The following AP4S1 variants were observed in gnomAD, a reference collection of about 807,000 sequenced individuals.
AP4S1 encodes the protein adaptor related protein complex 4 subunit sigma 1, also known as AP-4 complex subunit sigma-1.
Under a neutral mutation model 19.8 loss-of-function variants are expected in AP4S1, and 23 were observed. The ratio of observed to expected loss-of-function variants is 1.16; its 90% confidence interval spans 0.84 to 1.65. The LOEUF (loss-of-function observed/expected upper bound fraction) is 1.65, where lower values mean the gene tolerates loss of function less well. Among genes scored for constraint, AP4S1 ranks in the 40% most tolerant of loss-of-function variants. The pLI is 0.00. For missense variants in AP4S1, 166 were observed against 172.8 expected, an observed-to-expected ratio of 0.96 and a Z score of 0.22; for synonymous variants, 46 against 54.1, an observed-to-expected ratio of 0.85 and a Z score of 0.66.
At position 31,040,913 on chromosome 14, in the gene AP4S1, A is replaced by G. The variant is rs372015801; in HGVS notation, c.-72+15126A>G. 3.3e-5 allele frequency among the ~76,000 whole-genome samples: 5 copies of G among 151,782 alleles called. No individual in the cohort carries two copies. In the East Asian group the frequency reaches 5.9e-4, roughly 18 times the overall value. ...CATGGTGAAACCCCGTCTCTACTAA[A>G]AATACAAAAAATTAGCCAGGCATGG... On this transcript the variant is annotated intron_variant, in intron 1 of 5. Coordinates refer to ENST00000542754, the MANE Select transcript of AP4S1 (RefSeq NM_001128126.3).
intron 4 of AP4S1, 93 bp from the exon 5 acceptor site, chr14:31,080,480 A>G: frequency 2.8e-6 from 3 of 1,057,434 alleles, no homozygotes; most frequent in African/African-American, 1.5e-5. Context: ...GGCCGCTGCT[A>G]TGGACGCAGA....
At chr14:31,059,805 G>A (rs547022720) in intron 1 of AP4S1, among the ~76,000 whole-genome samples, 1 of 151,974 alleles carries the variant, frequency 6.6e-6, no homozygotes, top group African/African-American at 2.4e-5. Context: ...GATAAATGAA[G>A]GCAACAACCC....
chr14:31,078,565 T>C (rs1244072744), intron 4 of AP4S1, among the ~76,000 whole-genome samples: 2 of 152,176 alleles, frequency 1.3e-5, no homozygotes, highest in Non-Finnish European at 2.9e-5. Flanking sequence ...CCAAGAAGAA[T>C]ATAATTTCCC....
chr14:31,056,990 C>G (rs749574614), intron 1 of AP4S1, among the ~76,000 whole-genome samples: 19 of 152,074 alleles, frequency 1.2e-4, no homozygotes, highest in Non-Finnish European at 2.5e-4. Context: ...GGGAGGATTG[C>G]TTGAGCCTGG....
chr14:31,074,630 G>A (rs1310233784), intron 4 of AP4S1, among the ~76,000 whole-genome samples: 2 of 150,920 alleles, frequency 1.3e-5, no homozygotes, highest in Admixed American at 6.6e-5. Flanking sequence ...CTGAGATCAC[G>A]CCACTGCACT....
intron 1 of AP4S1, among the ~76,000 whole-genome samples, chr14:31,035,193 CTT>C (rs11393950): frequency 5.8e-5 from 6 of 103,650 alleles, no homozygotes; most frequent in South Asian, 3.4e-4. Flanking sequence ...ATGGTAATTC[CTT>C]TTTTTTTTTT....
At chr14:31,026,418 T>G in intron 1 of AP4S1, 3 of 117,756 alleles carry the variant, frequency 2.5e-5, no homozygotes, top group Admixed American at 9.6e-5. Flanking sequence ...AGGGGGGGCC[T>G]CGGCGGGAGG....
Position 31,079,022 on chromosome 14 carries a change from T to A in AP4S1, c.295-1551T>A, listed in dbSNP as rs368991634. Among the ~76,000 whole-genome samples, 12 of 152,330 alleles carry A rather than the reference T, an allele frequency of 7.9e-5. 1 individual carries two copies. The highest frequency in any genetic ancestry group is 7.2e-4 in the Admixed American group (11 of 15,298). ...AAATTTGGAGATCAGTCTCATGCTG[T>A]CTGGGGCTGAGAGAAGCATCTCAGC... On this transcript the variant is annotated intron_variant, in intron 4 of 5. Coordinates refer to ENST00000542754, the MANE Select transcript of AP4S1 (RefSeq NM_001128126.3).
chr14:31,076,015 C>T (rs1337335446), intron 4 of AP4S1, among the ~76,000 whole-genome samples: 1 of 152,168 alleles, frequency 6.6e-6, no homozygotes, highest in Non-Finnish European at 1.5e-5. Flanking sequence ...GGATTACAGG[C>T]GTGAGCCGTC....
At chr14:31,050,190 G>A (rs1885706950) in intron 1 of AP4S1, among the ~76,000 whole-genome samples, 1 of 152,182 alleles carries the variant, frequency 6.6e-6, no homozygotes, top group Non-Finnish European at 1.5e-5. Flanking sequence ...CCAAAGTGCT[G>A]GGATTACAGG....
At position 31,093,151 on chromosome 14, in the gene AP4S1, T is replaced by C; in HGVS notation, c.*116T>C. On this transcript the variant is annotated 3_prime_UTR_variant, in exon 6 of 6. Coordinates refer to ENST00000542754, the MANE Select transcript of AP4S1 (RefSeq NM_001128126.3). ...ACCACAATTACAAAATGGGGTATCC[T>C]TCCAAAGACATTATAAATAGGCATT... The C allele has an allele frequency of 9.6e-7, 1 of 1,046,034 alleles. No homozygotes were observed. 64.8% of individuals were successfully genotyped at this position (1,046,034 alleles called of 1,614,324 possible). A position where few individuals can be genotyped will look rare whatever the true frequency, so the allele number is the denominator to read the frequency against.
intron 5 of AP4S1, among the ~76,000 whole-genome samples, chr14:31,092,571 A>T (rs72670344): frequency 0.024 from 3,613 of 152,320 alleles, 66 homozygotes; most frequent in Non-Finnish European, 0.036. Flanking sequence ...TGGGAAGACA[A>T]CACTATTTTT....
intron 1 of AP4S1, among the ~76,000 whole-genome samples, chr14:31,031,965 C>T (rs1304940616): frequency 6.6e-6 from 1 of 151,376 alleles, no homozygotes; most frequent in Non-Finnish European, 1.5e-5. Flanking sequence ...GGCGTGGTGG[C>T]AGGTGCCTGT....
intron 5 of AP4S1, among the ~76,000 whole-genome samples, chr14:31,082,277 C>A (rs1185019417): frequency 6.6e-6 from 1 of 152,130 alleles, no homozygotes; most frequent in African/African-American, 2.4e-5. Context: ...TAAAAATATA[C>A]CGTGATATAC....
At chr14:31,052,767 A>G (rs1308586741) in intron 1 of AP4S1, among the ~76,000 whole-genome samples, 2 of 150,914 alleles carry the variant, frequency 1.3e-5, no homozygotes, top group Non-Finnish European at 2.9e-5. Flanking sequence ...AATCATTTTC[A>G]TGATTTGTTG....
chr14:31,078,672 G>GAGAAT (rs1887488867), intron 4 of AP4S1, among the ~76,000 whole-genome samples: 2 of 152,136 alleles, frequency 1.3e-5, no homozygotes, highest in Non-Finnish European at 2.9e-5. Context: ...TTCAGTAACT[G>GAGAAT]AGAATAAATA....
At chr14:31,078,364 A>G (rs1278590266) in intron 4 of AP4S1, among the ~76,000 whole-genome samples, 1 of 152,240 alleles carries the variant, frequency 6.6e-6, no homozygotes, top group Non-Finnish European at 1.5e-5. Flanking sequence ...CAGTTAGTAT[A>G]ACTGAGGAAA....
intron 4 of AP4S1, among the ~76,000 whole-genome samples, chr14:31,074,477 C>A (rs1320414243): frequency 1.3e-5 from 2 of 152,056 alleles, no homozygotes; most frequent in Non-Finnish European, 2.9e-5. Context: ...ACGGTGAAAC[C>A]CTGTCTCCAT....
intron 1 of AP4S1, among the ~76,000 whole-genome samples, chr14:31,040,463 T>C (rs1473989637): frequency 1.3e-5 from 2 of 152,170 alleles, no homozygotes; most frequent in Admixed American, 6.5e-5. Flanking sequence ...TCTAAATTCC[T>C]TTGGTTTGAT....
Sources: gnomAD v4.1 joint callset for allele counts (sites outside exome capture counted in the v4.1 genomes callset) on GRCh38, gnomAD v4.1.1 for gene constraint, MANE v1.5 for transcripts, NCBI Gene and HGNC (gene_info 2026-07-23, HGNC 2026-07-21) for gene names.